The following ADARB2 variants were observed in gnomAD, a reference collection of about 807,000 sequenced individuals.
The protein encoded by ADARB2 is inactive double-stranded RNA-specific editase B2.
Under a neutral mutation model 62.2 loss-of-function variants are expected in ADARB2, and 25 were observed. The ratio of observed to expected loss-of-function variants is 0.40; its 90% CI spans 0.29 to 0.56. ADARB2 has a LOEUF of 0.56. Among genes scored for constraint, ADARB2 ranks in the 20% least tolerant of loss-of-function variants. ADARB2 has a pLI of 0.43. For missense variants in ADARB2, 1,071 were observed against 1,077.4 expected (o/e 0.99, Z 0.08); for synonymous variants, 572 against 500.8 (o/e 1.14, Z -1.90).
chr10:1,251,594 T>G lies in ADARB2; in HGVS notation c.1193-9295A>C, dbSNP rs142571808. Among the ~76,000 whole-genome samples, 28 of 152,268 alleles carry G rather than the reference T, an allele frequency of 1.8e-4. No individual in the cohort carries two copies. The East Asian group carries it at 3.9e-3, about 21-fold the overall frequency. On this transcript the variant is annotated intron_variant, in intron 4 of 9. Transcript: ENST00000381312. The stretch of plus-strand genomic sequence containing the variant: ...AATGGTTTTTGGGTGATTAAAGAAA[T>G]AAAGATGCATATGTCATAAATAAAA...
intron 1 of ADARB2, among the ~76,000 whole-genome samples, chr10:1,656,459 G>C (rs902118692): frequency 2.6e-5 from 4 of 152,106 alleles, no homozygotes; most frequent in Non-Finnish European, 5.9e-5. Flanking sequence ...TTTTTGGGGT[G>C]GTATTAGATA....
At position 1,477,050 on chromosome 10, in the gene ADARB2, G is replaced by A. The variant is rs941324541; in HGVS notation, c.101-97890C>T. On this transcript the variant is annotated intron_variant, in intron 1 of 9. Coordinates refer to ENST00000381312, the MANE Select transcript of ADARB2 (RefSeq NM_018702.4). This position sits in a 1 kb window ranked among gnomAD's most constrained non-coding sequence, Gnocchi z 4.5. ...CTCCCCAGATCCCCACCTGGCCTAC[G>A]ATCCAACCCCTAGAGCACCTTCACA... is the stretch of plus-strand genomic sequence containing the variant. Among the ~76,000 whole-genome samples, 12 of 152,140 alleles carry A rather than the reference G, an allele frequency of 7.9e-5. 1 individual carries two copies. Among genetic ancestry groups the A allele is most frequent in the South Asian group, 4.2e-4 (2 of 4,818 alleles).
intron 6 of ADARB2, among the ~76,000 whole-genome samples, chr10:1,223,993 G>T (rs1028054689): frequency 4.6e-5 from 7 of 152,184 alleles, no homozygotes; most frequent in Non-Finnish European, 1.0e-4. Context: ...GTTTCAGAAG[G>T]AATGGTACCA....
intron 1 of ADARB2, among the ~76,000 whole-genome samples, chr10:1,668,450 T>C (rs1413580019): frequency 1.3e-5 from 2 of 152,192 alleles, no homozygotes; most frequent in African/African-American, 4.8e-5. Flanking sequence ...AGTTTGCCAA[T>C]ATTTTAGTTA....
intron 1 of ADARB2, among the ~76,000 whole-genome samples, chr10:1,705,258 C>T (rs1030778667): frequency 6.6e-5 from 10 of 152,176 alleles, no homozygotes; most frequent in African/African-American, 2.4e-4. Flanking sequence ...GGCAGGGTTG[C>T]AGGGGCTGCA....
At chr10:1,649,588 T>C (rs1834085799) in intron 1 of ADARB2, among the ~76,000 whole-genome samples, 1 of 152,242 alleles carries the variant, frequency 6.6e-6, no homozygotes, top group Non-Finnish European at 1.5e-5. Flanking sequence ...ATATGTGAAA[T>C]TCTAATTGGT....
intron 1 of ADARB2, among the ~76,000 whole-genome samples, chr10:1,558,095 G>T (rs1394309245): frequency 1.3e-5 from 2 of 152,110 alleles, no homozygotes; most frequent in Non-Finnish European, 2.9e-5. Flanking sequence ...GAGCAAAGAA[G>T]AAAGGAGCTT....
chr10:1,520,533 T>C (rs1302333793), intron 1 of ADARB2, among the ~76,000 whole-genome samples: 2 of 152,224 alleles, frequency 1.3e-5, no homozygotes, highest in Non-Finnish European at 2.9e-5. Context: ...ATCTGACATC[T>C]GATGATAACT....
chr10:1,325,263 G>A (rs188419381), intron 3 of ADARB2, among the ~76,000 whole-genome samples: 34 of 152,238 alleles, frequency 2.2e-4, no homozygotes, highest in Non-Finnish European at 4.4e-4. Flanking sequence ...CGAACGCTGG[G>A]GCCATGACAA....
In ADARB2 at chr10:1,518,632, G is replaced by A. The variant is rs115111171; in HGVS notation, c.101-139472C>T. Among the ~76,000 whole-genome samples, 425 of 148,460 alleles carry A rather than the reference G, an allele frequency of 2.9e-3. 4 individuals are homozygous for A. The highest frequency in any genetic ancestry group is 9.5e-3 in the African/African-American group (382 of 40,054). On this transcript the variant is annotated intron_variant, in intron 1 of 9. Transcript: ENST00000381312. ...TGGTATTGTCATACACATGCATTCC[G>A]TGTAACATGTGCATGTGGTATTGCC...
At chr10:1,697,612 G>A (rs111823356) in intron 1 of ADARB2, among the ~76,000 whole-genome samples, 47 of 152,292 alleles carry the variant, frequency 3.1e-4, no homozygotes, top group Non-Finnish European at 4.4e-4. Flanking sequence ...TGAGAAATTG[G>A]CTGCTTTGTG....
intron 4 of ADARB2, among the ~76,000 whole-genome samples, chr10:1,242,568 C>T (rs897772197): frequency 2.6e-5 from 4 of 152,228 alleles, no homozygotes; most frequent in Non-Finnish European, 5.9e-5. Context: ...GCTCCTTAGG[C>T]ACCATAGGAG....
At chr10:1,393,281 G>T (rs1230508739) in intron 1 of ADARB2, among the ~76,000 whole-genome samples, 1 of 152,162 alleles carries the variant, frequency 6.6e-6, no homozygotes, top group Non-Finnish European at 1.5e-5. Flanking sequence ...GAGATGTTTT[G>T]ATACAGGCGT....
At chr10:1,222,240 CT>C (rs1830701779) in intron 6 of ADARB2, among the ~76,000 whole-genome samples, 1 of 152,166 alleles carries the variant, frequency 6.6e-6, no homozygotes, top group Non-Finnish European at 1.5e-5. Context: ...TGTTCATATC[CT>C]TCGCCCACTT....
chr10:1,650,869 T>C (rs974333374), intron 1 of ADARB2, among the ~76,000 whole-genome samples: 3 of 152,140 alleles, frequency 2.0e-5, no homozygotes, highest in African/African-American at 7.2e-5. Context: ...TGTAGCACGG[T>C]CACCAAAACC....
chr10:1,635,386 C>T (rs1042147833), intron 1 of ADARB2, among the ~76,000 whole-genome samples: 1 of 152,190 alleles, frequency 6.6e-6, no homozygotes, highest in African/African-American at 2.4e-5. Context: ...ACTTAGAATA[C>T]GTCTGCAAGA....
intron 1 of ADARB2, among the ~76,000 whole-genome samples, chr10:1,726,789 C>T (rs1469480400): frequency 2.0e-5 from 3 of 152,100 alleles, no homozygotes; most frequent in Non-Finnish European, 2.9e-5. Flanking sequence ...AGCAGCTGTG[C>T]ATTCAGGAGG....
intron 1 of ADARB2, among the ~76,000 whole-genome samples, chr10:1,405,629 CAAAAAA>C (rs3029747): frequency 1.2e-5 from 1 of 86,940 alleles, no homozygotes; most frequent in African/African-American, 4.3e-5. Flanking sequence ...GATTCAGTCT[CAAAAAA>C]AAAAAAAAAA....
chr10:1,501,716 G>A (rs1831770843), intron 1 of ADARB2, among the ~76,000 whole-genome samples: 1 of 152,160 alleles, frequency 6.6e-6, no homozygotes, highest in Non-Finnish European at 1.5e-5. Context: ...ACTAGCCAGG[G>A]GAATTTATGG....
Sources: allele counts gnomAD v4.1 joint callset (sites outside exome capture counted in the v4.1 genomes callset), GRCh38; gene constraint gnomAD v4.1.1; non-coding constraint Gnocchi (gnomAD v3.1); transcripts MANE v1.5; gene names NCBI Gene and HGNC (gene_info 2026-07-23, HGNC 2026-07-21).